PDE1C: variants seen among roughly 807,000 people sequenced by gnomAD.
PDE1C encodes the protein dual specificity calcium/calmodulin-dependent 3',5'-cyclic nucleotide phosphodiesterase 1C.
In PDE1C, 62 loss-of-function variants were observed where a neutral mutation model predicts 93.1. That is an observed-to-expected ratio of 0.67 (90% CI 0.54 to 0.82). The LOEUF (loss-of-function observed/expected upper bound fraction) is 0.82, where lower values mean the gene tolerates loss of function less well. PDE1C is among the 40% of genes least tolerant of loss of function. The pLI is 0.00. For missense variants in PDE1C, 742 were observed against 884.6 expected, an observed-to-expected ratio of 0.84 and a Z score of 2.04; for synonymous variants, 325 against 310.1, an observed-to-expected ratio of 1.05 and a Z score of -0.50.
At chr7:31,617,866 T>TA in the PDE1C span, among the ~76,000 whole-genome samples, 1 of 152,242 alleles carries the variant, frequency 6.6e-6, no homozygotes, top group Admixed American at 6.5e-5. Flanking sequence ...AGAAGAGAGT[T>TA]ACTTTTATTT....
the PDE1C span, among the ~76,000 whole-genome samples, chr7:31,725,209 C>T: frequency 1.3e-4 from 20 of 152,068 alleles, no homozygotes; most frequent in African/African-American, 4.8e-4. Context: ...GTCTCTGTGG[C>T]CTGCACAAAG....
chr7:32,089,539 A>G (rs924173126), intron 3 of PDE1C, among the ~76,000 whole-genome samples: 12 of 152,238 alleles, frequency 7.9e-5, no homozygotes, highest in African/African-American at 2.9e-4. Flanking sequence ...AGCAGAGAGG[A>G]AACCACTAGT....
intron 17 of PDE1C, among the ~76,000 whole-genome samples, chr7:31,772,457 C>T (rs1054753186): frequency 2.6e-5 from 4 of 151,754 alleles, no homozygotes; most frequent in Non-Finnish European, 5.9e-5. Context: ...CCTGCCACTC[C>T]TTACTCAGGA....
chr7:31,707,355 C>CT, the PDE1C span: 1 of 1,258,472 alleles, frequency 7.9e-7, no homozygotes. Context: ...AAAAAATAGA[C>CT]TTGTTTCTGC....
the PDE1C span, among the ~76,000 whole-genome samples, chr7:31,705,999 T>TA: frequency 9.9e-6 from 1 of 101,382 alleles, no homozygotes; most frequent in Non-Finnish European, 2.1e-5. Flanking sequence ...TTTTTTTTTT[T>TA]TTTTTTTTTT....
chr7:31,823,925 T>A (rs1315758590), intron 13 of PDE1C, among the ~76,000 whole-genome samples: 1 of 152,090 alleles, frequency 6.6e-6, no homozygotes, highest in Non-Finnish European at 1.5e-5. Context: ...AAATTCATGA[T>A]GGACTAGACA....
chr7:31,999,176 G>C (rs908943306), intron 2 of PDE1C, among the ~76,000 whole-genome samples: 1 of 152,152 alleles, frequency 6.6e-6, no homozygotes, highest in African/African-American at 2.4e-5. Context: ...ACAGTTGGGG[G>C]CAGAGTCATA....
intron 2 of PDE1C, among the ~76,000 whole-genome samples, chr7:32,009,356 A>G (rs1020683375): frequency 6.6e-6 from 1 of 152,208 alleles, no homozygotes; most frequent in Non-Finnish European, 1.5e-5. Context: ...AGCATACCAG[A>G]GAAAAAAAGA....
chr7:31,954,397 TA>T (rs1400303464), intron 2 of PDE1C, among the ~76,000 whole-genome samples: 1 of 152,174 alleles, frequency 6.6e-6, no homozygotes, highest in Non-Finnish European at 1.5e-5. Flanking sequence ...GAGCAAGAAG[TA>T]AACATCAATA....
chr7:32,319,455 C>T (rs963785417), intron 1 of PDE1C, among the ~76,000 whole-genome samples: 1 of 90,248 alleles, frequency 1.1e-5, no homozygotes, highest in Non-Finnish European at 2.8e-5. Flanking sequence ...AAGCCATCAC[C>T]GGAGAACCAG....
chr7:32,270,512 C>T (rs1450136295), intron 1 of PDE1C, among the ~76,000 whole-genome samples: 1 of 152,084 alleles, frequency 6.6e-6, no homozygotes, highest in Non-Finnish European at 1.5e-5. Context: ...CCCCAAAGAC[C>T]GTTAGAAAAG....
the PDE1C span, among the ~76,000 whole-genome samples, chr7:31,689,228 G>A: frequency 6.6e-6 from 1 of 152,182 alleles, no homozygotes; most frequent in Non-Finnish European, 1.5e-5. Flanking sequence ...GAACCAATAA[G>A]TGGAAAGAGG....
intron 16 of PDE1C, among the ~76,000 whole-genome samples, chr7:31,807,692 G>T (rs1223183346): frequency 6.6e-6 from 1 of 151,928 alleles, no homozygotes; most frequent in Admixed American, 6.6e-5. Context: ...TGGGTTCTGG[G>T]TTTGAAGTTG....
chr7:32,236,122 C>T (rs1460019831), intron 1 of PDE1C, among the ~76,000 whole-genome samples: 3 of 152,026 alleles, frequency 2.0e-5, no homozygotes, highest in Non-Finnish European at 2.9e-5. Context: ...AGACCTCATA[C>T]ATTATAAACA....
At chr7:31,829,834 G>C (rs937468809) in intron 11 of PDE1C, among the ~76,000 whole-genome samples, 2 of 152,156 alleles carry the variant, frequency 1.3e-5, no homozygotes, top group African/African-American at 4.8e-5. Context: ...ATGTAGAAAA[G>C]GAAGTGCATT....
At chr7:32,118,889 A>G (rs539358591) in intron 3 of PDE1C, among the ~76,000 whole-genome samples, 7 of 152,322 alleles carry the variant, frequency 4.6e-5, no homozygotes, top group African/African-American at 1.7e-4. Flanking sequence ...CAGTTTCTCT[A>G]GATCATTTGT....
chr7:31,997,818 T>C (rs1037525981), intron 2 of PDE1C, among the ~76,000 whole-genome samples: 10 of 152,102 alleles, frequency 6.6e-5, no homozygotes, highest in African/African-American at 1.9e-4. Context: ...AAAGAAAACG[T>C]ACATGTGACC....
At chr7:31,740,762 T>C in the PDE1C span, among the ~76,000 whole-genome samples, 1 of 152,208 alleles carries the variant, frequency 6.6e-6, no homozygotes, top group African/African-American at 2.4e-5. Context: ...AATGCCTCAC[T>C]ATCTCATCAA....
chr7:31,673,103 C>G, the PDE1C span, among the ~76,000 whole-genome samples: 2 of 152,132 alleles, frequency 1.3e-5, no homozygotes, highest in African/African-American at 4.8e-5. Context: ...CCTAAATTAT[C>G]CAGTCTCAGG....
Sources: allele counts gnomAD v4.1 joint callset (sites outside exome capture counted in the v4.1 genomes callset), GRCh38; gene constraint gnomAD v4.1.1; transcripts MANE v1.5; gene names NCBI Gene and HGNC (gene_info 2026-07-23, HGNC 2026-07-21).